Variants in NECTIN2 observed in about 807,000 individuals in gnomAD.
NECTIN2 encodes the protein nectin cell adhesion molecule 2, also known as nectin-2.
In NECTIN2, 23 loss-of-function variants were observed where a neutral mutation model predicts 56.9. The ratio of observed to expected loss-of-function variants is 0.40; its 90% CI spans 0.29 to 0.57. The LOEUF is 0.57. Among genes scored for constraint, NECTIN2 ranks in the 20% least tolerant of loss-of-function variants. The pLI is 0.38. For synonymous variants in NECTIN2, 302 were observed against 313.8 expected (o/e 0.96, Z 0.40); for missense variants, 587 against 718.3 (o/e 0.82, Z 2.09).
chr19:44,880,735 G>A (rs1415832940), intron 5 of NECTIN2, among the ~76,000 whole-genome samples: 1 of 150,820 alleles, frequency 6.6e-6, no homozygotes, highest in African/African-American at 2.4e-5. Context: ...AAAAGTGCTG[G>A]GATGACAGGT....
intron 1 of NECTIN2, among the ~76,000 whole-genome samples, chr19:44,849,886 G>A (rs1968880673): frequency 6.6e-6 from 1 of 152,170 alleles, no homozygotes; most frequent in Admixed American, 6.6e-5. Flanking sequence ...TCGGGTGATG[G>A]ATGGCTAACT....
chr19:44,884,576 G>A (rs184657303), intron 6 of NECTIN2, among the ~76,000 whole-genome samples: 3 of 152,336 alleles, frequency 2.0e-5, no homozygotes, highest in Admixed American at 2.0e-4. Context: ...TCCTCTGTGT[G>A]CAGCTCCATG....
chr19:44,850,575 G>C (rs184441568), intron 1 of NECTIN2, among the ~76,000 whole-genome samples: 1 of 151,736 alleles, frequency 6.6e-6, no homozygotes, highest in Admixed American at 6.6e-5. Context: ...AGCCAGGAAG[G>C]TTGAGGCTGC....
intron 1 of NECTIN2, among the ~76,000 whole-genome samples, chr19:44,851,823 G>A (rs1255425297): frequency 6.6e-6 from 1 of 152,182 alleles, no homozygotes; most frequent in Non-Finnish European, 1.5e-5. Context: ...GATGATGGGG[G>A]CTCACTCCAG....
At chr19:44,873,493 C>T (rs762980179) in intron 3 of NECTIN2, among the ~76,000 whole-genome samples, 13 of 152,230 alleles carry the variant, frequency 8.5e-5, no homozygotes, top group East Asian at 5.8e-4. Context: ...ATTAGCTGGA[C>T]GTGGTGGTAC....
chr19:44,857,409 T>A (rs1968977489), intron 1 of NECTIN2, among the ~76,000 whole-genome samples: 1 of 148,910 alleles, frequency 6.7e-6, no homozygotes, highest in East Asian at 2.0e-4. Context: ...GCCCAGCTAT[T>A]TTTTTTTTTT....
At chr19:44,878,379 G>A in intron 5 of NECTIN2, 2 of 1,555,168 alleles carry the variant, frequency 1.3e-6, no homozygotes, top group South Asian at 2.4e-5. Flanking sequence ...GCAGGAGGAG[G>A]AGCCAGTGGC....
intron 5 of NECTIN2, chr19:44,878,656 C>T (rs1299640221): frequency 6.4e-7 from 1 of 1,556,114 alleles, no homozygotes; most frequent in South Asian, 1.2e-5. Flanking sequence ...AGGCCCGGCC[C>T]TCCCGCCCCC....
chr19:44,868,368 A>T (rs2122673759), intron 2 of NECTIN2, among the ~76,000 whole-genome samples: 1 of 151,708 alleles, frequency 6.6e-6, no homozygotes, highest in East Asian at 1.9e-4. Flanking sequence ...AAAAAAAAAA[A>T]AATAGGACTC....
intron 1 of NECTIN2, among the ~76,000 whole-genome samples, chr19:44,864,018 C>CT (rs919688681): frequency 1.3e-5 from 2 of 151,418 alleles, no homozygotes; most frequent in African/African-American, 2.4e-5. Flanking sequence ...GGATTCCCCC[C>CT]CCCCAAAAAA....
Position 44,864,146 on chromosome 19 carries a change from G to A in NECTIN2, c.89-1125G>A, listed in dbSNP as rs555253190. ...GTCCAGGAGTTCAAGACCAGCCTGG[G>A]CAACATAGCGAGACATTGTCTCTAC... is the stretch of plus-strand genomic sequence containing the variant. On this transcript the variant is annotated intron_variant, in intron 1 of 8. Transcript: ENST00000252483. 2.5e-4 allele frequency among the ~76,000 whole-genome samples: 37 copies of A among 149,900 alleles called. No homozygotes were observed. The South Asian group carries it at 7.5e-3, about 30-fold the overall frequency.
At chr19:44,858,176 G>T (rs1262567951) in intron 1 of NECTIN2, among the ~76,000 whole-genome samples, 1 of 152,088 alleles carries the variant, frequency 6.6e-6, no homozygotes, top group African/African-American at 2.4e-5. Flanking sequence ...TTGGGTGGGG[G>T]TGGCCCCTCT....
Position 44,888,470 on chromosome 19 carries a change from A to T in NECTIN2, c.*91A>T. The T allele has an allele frequency of 7.3e-7, 1 of 1,376,754 alleles. No individual in the cohort carries two copies. The highest frequency in any genetic ancestry group is 9.9e-7 in the Non-Finnish European group (1 of 1,005,946). The allele number at this position is 1,376,754 out of a possible 1,614,324, so 85.3% of individuals were successfully genotyped here. A position where few individuals can be genotyped will look rare whatever the true frequency, so the allele number is the denominator to read the frequency against. On this transcript the variant is annotated 3_prime_UTR_variant, in exon 9 of 9. Transcript: ENST00000252483. The stretch of plus-strand genomic sequence containing the variant: ...GTGCCCCCTGACCTCTGGCCAGGCC[A>T]CTGTCAGTTAACACATATGCATTCC...
At position 44,865,768 on chromosome 19, in the gene NECTIN2, CTG is replaced by C. The variant is rs1278805018; in HGVS notation, c.478+111_478+112del. 1.1e-5 allele frequency: 14 copies of C among 1,247,676 alleles called. No individual in the cohort carries two copies. The African/African-American group carries it at 2.1e-4, about 19-fold the overall frequency. The allele number at this position is 1,247,676 out of a possible 1,614,324, so 77.3% of individuals were successfully genotyped here. A position where few individuals can be genotyped will look rare whatever the true frequency, so the allele number is the denominator to read the frequency against. ...GCTTCAGCTGTGAGGTTCACATTCTCTGTGGGTTTCCATCCATCAGCAAATGT... is the reference window on the plus strand; with the variant it reads ...GCTTCAGCTGTGAGGTTCACATTCTCTGGGTTTCCATCCATCAGCAAATGT... On this transcript the variant is annotated intron_variant, in intron 2 of 8. Coordinates refer to ENST00000252483, the MANE Select transcript of NECTIN2 (RefSeq NM_001042724.2). The surrounding 1 kb of genome is among the most constrained non-coding windows in gnomAD (Gnocchi z 5.2).
Position 44,846,497 on chromosome 19 carries a change from GCCGGGCCCAGTCCCCTC to G in NECTIN2, c.-20_-4del, listed in dbSNP as rs778484203. On this transcript the variant is annotated 5_prime_UTR_variant, in exon 1 of 9. Coordinates refer to ENST00000252483, the MANE Select transcript of NECTIN2 (RefSeq NM_001042724.2). The stretch of plus-strand genomic sequence containing the variant: ...CCACAGAGTGGCCCGCGGGCCTCCG[GCCGGGCCCAGTCCCCTC>G]CCGGGCCCTCCATGGCCCGGGCCGC... 3 of 1,443,100 alleles carry G rather than the reference GCCGGGCCCAGTCCCCTC, an allele frequency of 2.1e-6. No individual in the cohort carries two copies. Among genetic ancestry groups the G allele is most frequent in the South Asian group, 2.8e-5 (2 of 71,650 alleles). The allele number at this position is 1,443,100 out of a possible 1,614,324, so 89.4% of individuals were successfully genotyped here.
Position 44,865,687 on chromosome 19 carries a change from G to A in NECTIN2, c.478+27G>A, listed in dbSNP as rs1351421141. ...TGAGCAGGGTAAGGGCGGGAGGCAA[G>A]GAGGTGGGAGGGCCGCGGTGTGGGA... On this transcript the variant is annotated intron_variant, in intron 2 of 8. Coordinates refer to ENST00000252483, the MANE Select transcript of NECTIN2 (RefSeq NM_001042724.2). This position sits in a 1 kb window ranked among gnomAD's most constrained non-coding sequence, Gnocchi z 5.2. 6.7e-7 allele frequency: 1 copy of A among 1,485,302 alleles called. No individual in the cohort carries two copies. Among genetic ancestry groups the A allele is most frequent in the Admixed American group, 2.1e-5 (1 of 46,930 alleles). The allele number at this position is 1,485,302 out of a possible 1,614,324, so 92.0% of individuals were successfully genotyped here.
intron 5 of NECTIN2, among the ~76,000 whole-genome samples, chr19:44,881,553 G>A (rs1031107542): frequency 4.3e-4 from 66 of 151,784 alleles, no homozygotes; most frequent in African/African-American, 1.6e-3. Flanking sequence ...TGGGCCTGGC[G>A]GCACATGCCT....
chr19:44,865,329 C>T lies in NECTIN2; in HGVS notation c.147C>T (p.Thr49=), dbSNP rs149820842. The change falls in exon 2 of 9, where the codon ACC becomes ACT. Residue 49 remains threonine, a synonymous_variant. Transcript: ENST00000252483. This position sits in a 1 kb window ranked among gnomAD's most constrained non-coding sequence, Gnocchi z 5.2. ...AGGTGCGAGGCCAGCTCGGGGGCACCGTGGAGCTGCCGTGCCACCTGCTGC... is the reference window on the plus strand; with the variant it reads ...AGGTGCGAGGCCAGCTCGGGGGCACTGTGGAGCTGCCGTGCCACCTGCTGC... ...LPEVRGQLGG[T]VELPCHLLPP... is the part of the protein sequence containing the mutation. 5.8e-5 allele frequency: 93 copies of T among 1,614,032 alleles called. 1 individual carries two copies. The African/African-American group carries it at 1.1e-3, about 18-fold the overall frequency.
chr19:44,867,555 A>G (rs1170224380), intron 2 of NECTIN2, among the ~76,000 whole-genome samples: 1 of 152,176 alleles, frequency 6.6e-6, no homozygotes, highest in East Asian at 1.9e-4. Flanking sequence ...TAGTGGCCTC[A>G]TTGAGATAGG....
Sources: gnomAD v4.1 joint callset for allele counts (sites outside exome capture counted in the v4.1 genomes callset) on GRCh38, gnomAD v4.1.1 for gene constraint, Gnocchi (gnomAD v3.1) non-coding constraint, MANE v1.5 for transcripts, NCBI Gene and HGNC (gene_info 2026-07-23, HGNC 2026-07-21) for gene names.